The following MAF variants were observed in gnomAD, a reference collection of about 807,000 sequenced individuals.
MAF encodes MAF bZIP transcription factor.
MAF carries 10 observed loss-of-function variants against 22.0 expected under a neutral mutation model. The ratio of observed to expected loss-of-function variants is 0.45; its 90% confidence interval spans 0.28 to 0.77. The LOEUF (loss-of-function observed/expected upper bound fraction) is 0.77, where lower values mean the gene tolerates loss of function less well. MAF is among the 30% of genes least tolerant of loss of function. The pLI is 0.12. For missense variants in MAF, 544 were observed against 548.4 expected, an observed-to-expected ratio of 0.99 and a Z score of 0.08; for synonymous variants, 337 against 255.8, an observed-to-expected ratio of 1.32 and a Z score of -3.03.
chr16:79,291,946 C>T, the MAF span, among the ~76,000 whole-genome samples: 1 of 151,006 alleles, frequency 6.6e-6, no homozygotes, highest in Non-Finnish European at 1.5e-5. Context: ...CATGAGGGTA[C>T]AACAGTAGGG....
the MAF span, among the ~76,000 whole-genome samples, chr16:79,412,255 T>G: frequency 6.6e-6 from 1 of 152,112 alleles, no homozygotes; most frequent in African/African-American, 2.4e-5. Flanking sequence ...GGTACAGTTG[T>G]GTTCAGATAA....
the MAF span, among the ~76,000 whole-genome samples, chr16:79,307,551 G>A: frequency 6.6e-6 from 1 of 152,194 alleles, no homozygotes; most frequent in African/African-American, 2.4e-5. Context: ...CCGACATGAT[G>A]GGCGATAAAA....
At chr16:79,485,502 C>A in the MAF span, among the ~76,000 whole-genome samples, 3 of 152,180 alleles carry the variant, frequency 2.0e-5, no homozygotes. Flanking sequence ...ATTCTGATAA[C>A]CGTCTCTGAG....
chr16:79,581,975 A>T (rs543465937), downstream of MAF, among the ~76,000 whole-genome samples: 2 of 152,280 alleles, frequency 1.3e-5, no homozygotes, highest in Admixed American at 6.5e-5. Flanking sequence ...GTGAAATTTT[A>T]TAAGTGCTAA....
chr16:79,391,423 G>A, the MAF span, among the ~76,000 whole-genome samples: 1 of 152,146 alleles, frequency 6.6e-6, no homozygotes, highest in Admixed American at 6.5e-5. Flanking sequence ...GGAAGCAATT[G>A]ACTCCACGAG....
At chr16:79,366,392 T>G in the MAF span, among the ~76,000 whole-genome samples, 3 of 152,214 alleles carry the variant, frequency 2.0e-5, no homozygotes, top group African/African-American at 7.2e-5. Context: ...CAAGTTGTCT[T>G]CTTACTTTTT....
At chr16:79,230,843 T>C in the MAF span, among the ~76,000 whole-genome samples, 1 of 152,048 alleles carries the variant, frequency 6.6e-6, no homozygotes, top group Admixed American at 6.6e-5. Context: ...TATTTTGGGA[T>C]GAAGATAGGC....
chr16:79,487,397 T>C, the MAF span, among the ~76,000 whole-genome samples: 6 of 152,188 alleles, frequency 3.9e-5, no homozygotes, highest in Non-Finnish European at 8.8e-5. Flanking sequence ...TATATGGGTA[T>C]ATGTGCCTAT....
the MAF span, among the ~76,000 whole-genome samples, chr16:79,526,076 C>T: frequency 6.6e-6 from 1 of 152,104 alleles, no homozygotes; most frequent in African/African-American, 2.4e-5. Flanking sequence ...CATTCAGTTC[C>T]CATGGACCCC....
chr16:79,412,917 C>CT, the MAF span, among the ~76,000 whole-genome samples: 1 of 152,224 alleles, frequency 6.6e-6, no homozygotes, highest in African/African-American at 2.4e-5. Flanking sequence ...TCGCCTTGCC[C>CT]TGTAGGTATG....
the MAF span, among the ~76,000 whole-genome samples, chr16:79,357,288 C>CAACAACAA: frequency 3.0e-5 from 4 of 133,658 alleles, no homozygotes; most frequent in African/African-American, 1.4e-4. Flanking sequence ...ACAACAACAA[C>CAACAACAA]AACAACAACA....
the MAF span, among the ~76,000 whole-genome samples, chr16:79,208,635 T>TAAAAAAA: frequency 4.0e-5 from 6 of 151,788 alleles, no homozygotes; most frequent in Non-Finnish European, 8.8e-5. Context: ...CTTTAAATTT[T>TAAAAAAA]TTTTTTAATC....
the MAF span, among the ~76,000 whole-genome samples, chr16:79,371,159 T>G: frequency 6.6e-6 from 1 of 151,128 alleles, no homozygotes; most frequent in Admixed American, 6.6e-5. Flanking sequence ...TTGGTGGGAG[T>G]GCCTGGAGGG....
the MAF span, among the ~76,000 whole-genome samples, chr16:79,575,505 T>A: frequency 6.6e-6 from 1 of 152,174 alleles, no homozygotes; most frequent in South Asian, 2.1e-4. Context: ...CAATCAGCTA[T>A]CTTTTCTGAG....
the MAF span, among the ~76,000 whole-genome samples, chr16:79,278,167 G>C: frequency 6.6e-6 from 1 of 152,200 alleles, no homozygotes; most frequent in African/African-American, 2.4e-5. Context: ...CCTGCCCCCT[G>C]CAAGTTCAGA....
the MAF span, among the ~76,000 whole-genome samples, chr16:79,443,726 A>T: frequency 6.6e-6 from 1 of 152,218 alleles, no homozygotes; most frequent in African/African-American, 2.4e-5. Context: ...CTTGGTCACA[A>T]GTGACTTATG....
the MAF span, among the ~76,000 whole-genome samples, chr16:79,561,723 T>C: frequency 6.6e-6 from 1 of 152,026 alleles, no homozygotes; most frequent in African/African-American, 2.4e-5. Context: ...GAAAAAATGG[T>C]CTTCAAAGCC....
At chr16:79,398,097 G>A in the MAF span, among the ~76,000 whole-genome samples, 2 of 152,260 alleles carry the variant, frequency 1.3e-5, no homozygotes, top group South Asian at 2.1e-4. Flanking sequence ...GTGCTTCCCT[G>A]CCTTTTTCAG....
the MAF span, among the ~76,000 whole-genome samples, chr16:79,407,825 G>T: frequency 6.6e-6 from 1 of 152,040 alleles, no homozygotes; most frequent in African/African-American, 2.4e-5. Flanking sequence ...TCGCGGCTTC[G>T]TTTCATGAAT....
Sources: allele counts gnomAD v4.1 joint callset (sites outside exome capture counted in the v4.1 genomes callset), GRCh38; gene constraint gnomAD v4.1.1; transcripts MANE v1.5; gene names NCBI Gene and HGNC (gene_info 2026-07-23, HGNC 2026-07-21).